TSPAN9: variants seen among roughly 807,000 people sequenced by gnomAD.
The protein encoded by TSPAN9 is tetraspanin 9.
TSPAN9 carries 16 observed loss-of-function variants against 31.0 expected under a neutral mutation model. That is an observed-to-expected ratio of 0.52 (90% CI 0.35 to 0.78). The LOEUF is 0.78. Ranked by LOEUF, TSPAN9 falls within the 30% of genes least tolerant of loss-of-function variation. The probability of loss-of-function intolerance (pLI) is 0.01; values close to 1 mark genes in which losing one functional copy is unlikely to be tolerated. For synonymous variants in TSPAN9, 145 were observed against 121.6 expected (o/e 1.19, Z -1.27); for missense variants, 272 against 312.5 (o/e 0.87, Z 0.98).
At chr12:3,124,022 A>G (rs909577230) in intron 2 of TSPAN9, among the ~76,000 whole-genome samples, 46 of 152,208 alleles carry the variant, frequency 3.0e-4, no homozygotes, top group African/African-American at 1.0e-3. Context: ...GATGTAAGAT[A>G]CAATGTGGTT....
intron 2 of TSPAN9, among the ~76,000 whole-genome samples, chr12:3,156,607 C>T (rs2098342416): frequency 6.6e-6 from 1 of 151,770 alleles, no homozygotes; most frequent in Non-Finnish European, 1.5e-5. Context: ...ATTCAAACCT[C>T]CCAGATCCTC....
intron 2 of TSPAN9, among the ~76,000 whole-genome samples, chr12:3,159,633 G>A (rs891963105): frequency 6.6e-5 from 10 of 152,138 alleles, no homozygotes; most frequent in Non-Finnish European, 7.3e-5. Flanking sequence ...TTGGGATGCC[G>A]AGGCAGGAAG....
intron 3 of TSPAN9, among the ~76,000 whole-genome samples, chr12:3,252,911 G>A (rs1429628203): frequency 6.6e-6 from 1 of 152,120 alleles, no homozygotes; most frequent in African/African-American, 2.4e-5. Flanking sequence ...GCTATTTCAG[G>A]GCAGTCTGGA....
intron 3 of TSPAN9, chr12:3,211,978 C>A (rs2098378965): frequency 2.1e-6 from 2 of 958,758 alleles, no homozygotes; most frequent in African/African-American, 1.6e-5. Flanking sequence ...GTATTTCTTT[C>A]TTTTATTTTT....
At chr12:3,154,895 T>C (rs2098341484) in intron 2 of TSPAN9, among the ~76,000 whole-genome samples, 1 of 152,194 alleles carries the variant, frequency 6.6e-6, no homozygotes, top group Admixed American at 6.5e-5. Context: ...GTGATCACAG[T>C]GAGCCCCTTT....
intron 3 of TSPAN9, among the ~76,000 whole-genome samples, chr12:3,233,381 C>T (rs896840867): frequency 4.6e-5 from 7 of 152,222 alleles, no homozygotes; most frequent in African/African-American, 9.7e-5. Context: ...AGCCCTGCTC[C>T]GTCCCTGTCC....
At chr12:3,136,176 C>T (rs1490261918) in intron 2 of TSPAN9, among the ~76,000 whole-genome samples, 1 of 152,204 alleles carries the variant, frequency 6.6e-6, no homozygotes, top group East Asian at 1.9e-4. Context: ...ATGTAGGAAG[C>T]ACTTCGTGAG....
intron 2 of TSPAN9, among the ~76,000 whole-genome samples, chr12:3,185,372 C>T (rs1179633262): frequency 3.3e-5 from 5 of 152,078 alleles, no homozygotes; most frequent in Non-Finnish European, 4.4e-5. Context: ...TAGGGGTTGG[C>T]AGGGTGGGGC....
intron 2 of TSPAN9, among the ~76,000 whole-genome samples, chr12:3,131,759 A>G (rs1451135468): frequency 7.2e-6 from 1 of 139,442 alleles, no homozygotes; most frequent in Non-Finnish European, 1.5e-5. Context: ...TTTTAAAAAC[A>G]TTTTTTTTCT....
At position 3,137,544 on chromosome 12, in the gene TSPAN9, G is replaced by A. The variant is rs80261870; in HGVS notation, c.-18+53825G>A. On this transcript the variant is annotated intron_variant, in intron 2 of 8. Transcript: ENST00000011898. ...GCCAGGCCCAGATTTGGGCCCCAAGGGAGTGCTACCCCCTGGGTTGCAGTT... is the reference window on the plus strand; with the variant it reads ...GCCAGGCCCAGATTTGGGCCCCAAGAGAGTGCTACCCCCTGGGTTGCAGTT... Among the ~76,000 whole-genome samples, 1,503 of 152,276 alleles carry A rather than the reference G, an allele frequency of 9.9e-3. 25 individuals are homozygous for A. Among genetic ancestry groups the A allele is most frequent in the African/African-American group, 0.034 (1,410 of 41,556 alleles).
intron 2 of TSPAN9, among the ~76,000 whole-genome samples, chr12:3,156,329 T>A (rs2098342254): frequency 6.6e-6 from 1 of 151,992 alleles, no homozygotes; most frequent in Non-Finnish European, 1.5e-5. Context: ...TTTATCTGTG[T>A]CCTCCCTCCA....
chr12:3,223,802 G>A (rs1490413155), intron 3 of TSPAN9, among the ~76,000 whole-genome samples: 1 of 152,206 alleles, frequency 6.6e-6, no homozygotes, highest in Non-Finnish European at 1.5e-5. Flanking sequence ...TTAGGAGAGC[G>A]ATCAGCCTAG....
At chr12:3,198,239 G>C (rs371662884) in intron 2 of TSPAN9, among the ~76,000 whole-genome samples, 108 of 74,510 alleles carry the variant, frequency 1.4e-3, no homozygotes, top group African/African-American at 3.6e-3. Context: ...ACCAGCACAG[G>C]TCACCACCAG....
intron 2 of TSPAN9, among the ~76,000 whole-genome samples, chr12:3,099,841 T>A (rs1450459298): frequency 1.3e-5 from 1 of 74,088 alleles, no homozygotes; most frequent in African/African-American, 5.3e-5. Flanking sequence ...CTGTCCACTC[T>A]TTTTTTTTTT....
At chr12:3,140,294 A>G (rs1204790894) in intron 2 of TSPAN9, among the ~76,000 whole-genome samples, 1 of 152,150 alleles carries the variant, frequency 6.6e-6, no homozygotes, top group African/African-American at 2.4e-5. Flanking sequence ...GGTGGTTGGT[A>G]CCAAGGAAAC....
rs1482570462 is a variant in TSPAN9 at position 3,284,590 on chromosome 12, G to C, written c.*1474G>C. The C allele has an allele frequency of 6.5e-6, 1 of 153,006 alleles. No individual in the cohort carries two copies. The highest frequency in any genetic ancestry group is 2.4e-5 in the African/African-American group (1 of 41,462). 9.5% of individuals were successfully genotyped at this position (153,006 alleles called of 1,614,324 possible). A position where few individuals can be genotyped will look rare whatever the true frequency, so the allele number is the denominator to read the frequency against. Reference sequence around the variant, plus strand: ...TCACGCACGTGCAGAGCTGGGCATGGGAGAGAAACGGGCTGGGGAGTGAGG... The same window carrying C: ...TCACGCACGTGCAGAGCTGGGCATGCGAGAGAAACGGGCTGGGGAGTGAGG... On this transcript the variant is annotated 3_prime_UTR_variant, in exon 9 of 9. Transcript: ENST00000011898.
chr12:3,135,909 T>C (rs1008939348), intron 2 of TSPAN9, among the ~76,000 whole-genome samples: 3 of 152,198 alleles, frequency 2.0e-5, no homozygotes, highest in Non-Finnish European at 2.9e-5. Context: ...GATACCCTTT[T>C]AGTAGAGTTC....
At chr12:3,149,716 C>G (rs568242345) in intron 2 of TSPAN9, 1 of 152,338 alleles carries the variant, frequency 6.6e-6, no homozygotes, top group South Asian at 2.1e-4. Flanking sequence ...ACCAGTGATT[C>G]AAGACCTGGC....
intron 3 of TSPAN9, among the ~76,000 whole-genome samples, chr12:3,226,702 G>C: frequency 2.5e-5 from 1 of 39,886 alleles, no homozygotes; most frequent in African/African-American, 1.1e-4. Flanking sequence ...GTGTGTGTGT[G>C]TGTGTATGTG....
Sources: allele counts gnomAD v4.1 joint callset (sites outside exome capture counted in the v4.1 genomes callset), GRCh38; gene constraint gnomAD v4.1.1; transcripts MANE v1.5; gene names NCBI Gene and HGNC (gene_info 2026-07-23, HGNC 2026-07-21).